Variants in FRMD4A observed in about 807,000 individuals in gnomAD.
The protein encoded by FRMD4A is FERM domain containing 4A.
In FRMD4A, 29 loss-of-function variants were observed where a neutral mutation model predicts 129.1. The ratio of observed to expected loss-of-function variants is 0.22; its 90% CI spans 0.17 to 0.31. FRMD4A has a LOEUF of 0.31. Ranked by LOEUF, FRMD4A falls within the 10% of genes least tolerant of loss-of-function variation. The probability of loss-of-function intolerance (pLI) is 1.00; values close to 1 mark genes in which losing one functional copy is unlikely to be tolerated. For missense variants in FRMD4A, 1,272 were observed against 1,375.8 expected, an observed-to-expected ratio of 0.92 and a Z score of 1.19; for synonymous variants, 634 against 571.6, an observed-to-expected ratio of 1.11 and a Z score of -1.56.
chr10:13,680,586 C>G (rs1358498987), intron 15 of FRMD4A, among the ~76,000 whole-genome samples: 1 of 151,724 alleles, frequency 6.6e-6, no homozygotes, highest in African/African-American at 2.4e-5. Context: ...ATCAGCTGGG[C>G]GTTGTGGCAT....
intron 2 of FRMD4A, among the ~76,000 whole-genome samples, chr10:13,878,636 C>T (rs1396153757): frequency 6.6e-6 from 1 of 151,884 alleles, no homozygotes; most frequent in Non-Finnish European, 1.5e-5. Context: ...ACCTGTAATC[C>T]CAGCTACTCG....
chr10:14,236,509 G>A (rs1196748814), intron 2 of FRMD4A, among the ~76,000 whole-genome samples: 1 of 152,338 alleles, frequency 6.6e-6, no homozygotes, highest in Admixed American at 6.5e-5. Flanking sequence ...GATGCTTGCT[G>A]CTGCTGCTGG....
intron 12 of FRMD4A, among the ~76,000 whole-genome samples, chr10:13,714,046 A>ATAAAATATATATTT (rs2088498558): frequency 1.7e-4 from 3 of 17,950 alleles, no homozygotes; most frequent in African/African-American, 4.6e-4. Flanking sequence ...ATATATATAT[A>ATAAAATATATATTT]TATATATATA....
intron 6 of FRMD4A, among the ~76,000 whole-genome samples, chr10:13,779,539 G>C (rs925759692): frequency 3.3e-5 from 5 of 152,138 alleles, no homozygotes; most frequent in African/African-American, 9.7e-5. Context: ...CTTCAGACGA[G>C]TCCCTGACAT....
At chr10:13,867,002 C>T (rs1052335321) in intron 2 of FRMD4A, among the ~76,000 whole-genome samples, 1 of 152,136 alleles carries the variant, frequency 6.6e-6, no homozygotes, top group Non-Finnish European at 1.5e-5. Context: ...ATGGTTACTA[C>T]AGTGGAGTCA....
chr10:13,672,913 T>C (rs2134723724), intron 16 of FRMD4A, among the ~76,000 whole-genome samples: 1 of 152,336 alleles, frequency 6.6e-6, no homozygotes, highest in East Asian at 1.9e-4. Flanking sequence ...TGATTTCTTG[T>C]TGGGTTATTT....
In FRMD4A at chr10:14,035,765, T is replaced by C. The variant is rs182275305; in HGVS notation, c.46-176853A>G. Among the ~76,000 whole-genome samples the C allele has an allele frequency of 1.9e-3, 296 of 152,342 alleles. 8 individuals carry two copies. The highest frequency in any genetic ancestry group is 0.019 in the Admixed American group (293 of 15,296). ...TCTAGTTTTTAATACAGCCTCACAC[T>C]GTTCCTATGAAATAGACTAAAGATA... is the stretch of plus-strand genomic sequence containing the variant. On this transcript the variant is annotated intron_variant, in intron 2 of 24. Coordinates refer to ENST00000357447, the MANE Select transcript of FRMD4A (RefSeq NM_018027.5).
At chr10:13,979,966 C>G (rs1006804004) in intron 2 of FRMD4A, among the ~76,000 whole-genome samples, 3 of 152,160 alleles carry the variant, frequency 2.0e-5, no homozygotes, top group Non-Finnish European at 4.4e-5. Flanking sequence ...TATGAGCACC[C>G]CATTCCCTTT....
chr10:14,293,163 G>A lies in FRMD4A; in HGVS notation c.45+36895C>T, dbSNP rs147037811. On this transcript the variant is annotated intron_variant, in intron 2 of 24. Coordinates refer to ENST00000357447, the MANE Select transcript of FRMD4A (RefSeq NM_018027.5). The stretch of plus-strand genomic sequence containing the variant: ...CAATGCAACAGTGTTGAGAGGTGTG[G>A]CCTAATAAGAGGTGATTAGATCATG... 2.8e-3 allele frequency among the ~76,000 whole-genome samples: 423 copies of A among 152,294 alleles called. 3 individuals are homozygous for A. Among genetic ancestry groups the A allele is most frequent in the African/African-American group, 9.4e-3 (391 of 41,558 alleles).
At position 13,733,573 on chromosome 10, in the gene FRMD4A, G is replaced by A. The variant is rs149061502; in HGVS notation, c.759+4271C>T. Among the ~76,000 whole-genome samples the A allele has an allele frequency of 6.3e-3, 953 of 152,120 alleles. 6 individuals carry two copies. The highest frequency in any genetic ancestry group is 0.034 in the Middle Eastern group (10 of 294). On this transcript the variant is annotated intron_variant, in intron 12 of 24. Coordinates refer to ENST00000357447, the MANE Select transcript of FRMD4A (RefSeq NM_018027.5). ...GAGTAGCTGAGATTATAGGCGCCCC[G>A]CCCCCGCAGCAGGCCTGGCTAATTT...
chr10:13,749,974 G>A (rs2091489008), intron 8 of FRMD4A, among the ~76,000 whole-genome samples: 1 of 146,712 alleles, frequency 6.8e-6, no homozygotes, highest in Non-Finnish European at 1.5e-5. Flanking sequence ...AAAAGAAAAG[G>A]GAAAGAGAAA....
rs139709368 is a variant in FRMD4A at position 13,784,114 on chromosome 10, G to A, written c.300-1108C>T. Among the ~76,000 whole-genome samples, 781 of 152,274 alleles carry A rather than the reference G, an allele frequency of 5.1e-3. 10 individuals are homozygous for A. The highest frequency in any genetic ancestry group is 0.013 in the African/African-American group (544 of 41,540). On this transcript the variant is annotated intron_variant, in intron 5 of 24. Coordinates refer to ENST00000357447, the MANE Select transcript of FRMD4A (RefSeq NM_018027.5). Reference sequence around the variant, plus strand: ...ACTAGGAGGGTGCTGGGTACCTGGGGCTCTTGGAAACTGGGTTCACCAAGA... The same window carrying A: ...ACTAGGAGGGTGCTGGGTACCTGGGACTCTTGGAAACTGGGTTCACCAAGA...
intron 2 of FRMD4A, among the ~76,000 whole-genome samples, chr10:13,995,970 C>T (rs779097298): frequency 2.0e-5 from 3 of 152,112 alleles, no homozygotes; most frequent in Non-Finnish European, 4.4e-5. Context: ...ATAACAAATC[C>T]CATAAACTGG....
At chr10:13,938,805 C>A (rs756953879) in intron 2 of FRMD4A, among the ~76,000 whole-genome samples, 1 of 152,190 alleles carries the variant, frequency 6.6e-6, no homozygotes, top group Non-Finnish European at 1.5e-5. Flanking sequence ...GCCAGGGATG[C>A]TGTTAAACAT....
intron 2 of FRMD4A, among the ~76,000 whole-genome samples, chr10:14,095,493 G>A (rs569116963): frequency 1.4e-4 from 22 of 152,344 alleles, no homozygotes; most frequent in African/African-American, 5.1e-4. Context: ...GGGGACATAA[G>A]CTATTAATAT....
At chr10:13,761,567 G>T in intron 8 of FRMD4A, 80 bp downstream of exon 8, 2 of 935,918 alleles carry the variant, frequency 2.1e-6, no homozygotes, top group Admixed American at 2.1e-5. Flanking sequence ...CACCTAAAAA[G>T]GACATCCTGA....
chr10:14,029,479 T>C (rs1445907774), intron 2 of FRMD4A, among the ~76,000 whole-genome samples: 1 of 152,244 alleles, frequency 6.6e-6, no homozygotes, highest in African/African-American at 2.4e-5. Flanking sequence ...CAATCTCTAT[T>C]AAGGACAACC....
At chr10:14,092,941 G>A (rs889840599) in intron 2 of FRMD4A, among the ~76,000 whole-genome samples, 1 of 152,252 alleles carries the variant, frequency 6.6e-6, no homozygotes, top group Non-Finnish European at 1.5e-5. Flanking sequence ...GAGCAGTCCA[G>A]TCATGAGGAC....
intron 2 of FRMD4A, among the ~76,000 whole-genome samples, chr10:14,285,588 T>C (rs922529311): frequency 1.3e-5 from 2 of 152,240 alleles, no homozygotes; most frequent in Non-Finnish European, 2.9e-5. Context: ...TACCACATGC[T>C]GTGAGACTAT....
Sources: allele counts gnomAD v4.1 joint callset (sites outside exome capture counted in the v4.1 genomes callset), GRCh38; gene constraint gnomAD v4.1.1; transcripts MANE v1.5; gene names NCBI Gene and HGNC (gene_info 2026-07-23, HGNC 2026-07-21).